Variants in GSG1L observed in about 807,000 individuals in gnomAD.
GSG1L encodes the protein germ cell-specific gene 1-like protein.
GSG1L carries 24 observed loss-of-function variants against 42.1 expected under a neutral mutation model. That is an observed-to-expected ratio of 0.57 (90% CI 0.41 to 0.80). GSG1L has a LOEUF of 0.80. Among genes scored for constraint, GSG1L ranks in the 30% least tolerant of loss-of-function variants. The pLI, the probability that GSG1L is intolerant of heterozygous loss-of-function variation, is 0.00. For synonymous variants in GSG1L, 215 were observed against 203.5 expected (o/e 1.06, Z -0.48); for missense variants, 445 against 472.2 (o/e 0.94, Z 0.53).
intron 5 of GSG1L, among the ~76,000 whole-genome samples, chr16:27,821,077 A>G (rs1183575171): frequency 6.6e-6 from 1 of 151,942 alleles, no homozygotes. Flanking sequence ...AGCCTCTTCT[A>G]TCCTATACCT....
intron 4 of GSG1L, among the ~76,000 whole-genome samples, chr16:27,836,773 G>A (rs1214882200): frequency 6.6e-6 from 1 of 152,110 alleles, no homozygotes; most frequent in Non-Finnish European, 1.5e-5. Context: ...ACTGCTTGTT[G>A]AAGCATTTTT....
In GSG1L at chr16:28,009,235, G is replaced by A. The variant is rs925645477; in HGVS notation, c.350-46032C>T. Among the ~76,000 whole-genome samples, 8 of 152,196 alleles carry A rather than the reference G, an allele frequency of 5.3e-5. No homozygotes were observed. The South Asian group carries it at 6.2e-4, about 12-fold the overall frequency. On this transcript the variant is annotated intron_variant, in intron 1 of 6. Coordinates refer to ENST00000447459, the MANE Select transcript of GSG1L (RefSeq NM_001109763.2). ...GTGCTCCAGACCCTGTGGCTTCCTC[G>A]CAGCTCCCTGCACACACCAAACACT...
intron 5 of GSG1L, among the ~76,000 whole-genome samples, chr16:27,818,657 C>T (rs1423180969): frequency 3.3e-5 from 5 of 152,050 alleles, no homozygotes; most frequent in Admixed American, 3.3e-4. Flanking sequence ...ATAAGCAATT[C>T]ACGATGGAAT....
intron 2 of GSG1L, among the ~76,000 whole-genome samples, chr16:27,885,327 T>G (rs551920938): frequency 1.6e-4 from 25 of 152,146 alleles, no homozygotes; most frequent in African/African-American, 6.0e-4. Context: ...TTTTTTATTT[T>G]TTATAGAGAT....
Position 27,914,023 on chromosome 16 carries a change from C to T in GSG1L, c.398-29385G>A, listed in dbSNP as rs559176456. 4.6e-5 allele frequency among the ~76,000 whole-genome samples: 7 copies of T among 151,320 alleles called. No individual in the cohort carries two copies. The South Asian group carries it at 1.0e-3, about 22-fold the overall frequency. On this transcript the variant is annotated intron_variant, in intron 2 of 6. Coordinates refer to ENST00000447459, the MANE Select transcript of GSG1L (RefSeq NM_001109763.2). ...TTTTAACGCATATGTAAGTTTCCTC[C>T]GTCTATAACCAGGAGCTTGCAGATC...
intron 3 of GSG1L, among the ~76,000 whole-genome samples, chr16:27,866,772 G>A (rs2083731906): frequency 2.6e-5 from 4 of 151,960 alleles, no homozygotes; most frequent in Admixed American, 6.6e-5. Context: ...GGGTTTCACC[G>A]CGTTGGCCAG....
chr16:27,935,225 C>G (rs1339719315), intron 2 of GSG1L, among the ~76,000 whole-genome samples: 2 of 152,128 alleles, frequency 1.3e-5, no homozygotes, highest in African/African-American at 4.8e-5. Flanking sequence ...TCCCACCTGC[C>G]CTGGAATGGC....
chr16:27,871,882 T>C (rs909398377), intron 3 of GSG1L, among the ~76,000 whole-genome samples: 3 of 152,094 alleles, frequency 2.0e-5, no homozygotes, highest in Non-Finnish European at 4.4e-5. Flanking sequence ...GCTGGGAAGA[T>C]TGGTGGAAAA....
At chr16:27,979,695 G>GA (rs1325466611) in intron 1 of GSG1L, among the ~76,000 whole-genome samples, 9 of 42,494 alleles carry the variant, frequency 2.1e-4, no homozygotes, top group East Asian at 1.9e-3. Context: ...AAGAAGGAAG[G>GA]AAGGAAGGAA....
rs141439055 is a variant in GSG1L, at chr16:27,852,226, G to A, written c.551-7165C>T. On this transcript the variant is annotated intron_variant, in intron 3 of 6. Transcript: ENST00000447459. ...CATGTCCGGGACTTGAGACACAGAG[G>A]GGCTGGTGGGGACCTGGAGGATGCT... 4.7e-3 allele frequency among the ~76,000 whole-genome samples: 715 copies of A among 152,330 alleles called. 4 individuals are homozygous for A. Among genetic ancestry groups the A allele is most frequent in the African/African-American group, 0.017 (686 of 41,570 alleles).
chr16:27,935,904 C>T (rs2084710775), intron 2 of GSG1L, among the ~76,000 whole-genome samples: 1 of 148,176 alleles, frequency 6.7e-6, no homozygotes, highest in African/African-American at 2.5e-5. Flanking sequence ...CTGCAGGATG[C>T]ATCACAGATG....
intron 3 of GSG1L, among the ~76,000 whole-genome samples, chr16:27,869,697 CCCT>C (rs1223050878): frequency 1.5e-5 from 2 of 132,940 alleles, no homozygotes; most frequent in African/African-American, 5.8e-5. Flanking sequence ...GTCTCTGTCT[CCCT>C]CCATTTCTCT....
intron 3 of GSG1L, among the ~76,000 whole-genome samples, chr16:27,883,294 C>T (rs935922030): frequency 2.6e-5 from 4 of 151,344 alleles, no homozygotes; most frequent in African/African-American, 4.9e-5. Flanking sequence ...ACAAGCTCTC[C>T]GTCCTTGGAC....
At chr16:27,932,863 G>A (rs1217314717) in intron 2 of GSG1L, among the ~76,000 whole-genome samples, 4 of 151,962 alleles carry the variant, frequency 2.6e-5, no homozygotes, top group African/African-American at 9.7e-5. Context: ...CCTGGTGCTG[G>A]CCCCAGTGTG....
At chr16:27,813,668 C>T (rs897934426) in intron 5 of GSG1L, among the ~76,000 whole-genome samples, 9 of 152,218 alleles carry the variant, frequency 5.9e-5, no homozygotes, top group Non-Finnish European at 1.2e-4. Context: ...AAGCAAGACA[C>T]GGGATCTGCA....
chr16:28,029,583 G>A (rs1332419573), intron 1 of GSG1L, among the ~76,000 whole-genome samples: 2 of 152,064 alleles, frequency 1.3e-5, no homozygotes, highest in Non-Finnish European at 2.9e-5. Flanking sequence ...ATGGATGGAT[G>A]CATGGGTGGA....
At chr16:27,843,526 A>AAT (rs969612692) in intron 4 of GSG1L, among the ~76,000 whole-genome samples, 8 of 151,294 alleles carry the variant, frequency 5.3e-5, no homozygotes, top group Non-Finnish European at 1.2e-4. Flanking sequence ...AAAAAAAAAA[A>AAT]AAAGGAAGGC....
At chr16:28,000,898 C>T (rs1426291053) in intron 1 of GSG1L, among the ~76,000 whole-genome samples, 3 of 152,178 alleles carry the variant, frequency 2.0e-5, no homozygotes, top group Admixed American at 6.5e-5. Context: ...CCAGAGTCAA[C>T]GCCCTCTTTC....
intron 1 of GSG1L, among the ~76,000 whole-genome samples, chr16:28,004,470 T>G (rs1451320868): frequency 5.5e-4 from 58 of 104,888 alleles, no homozygotes; most frequent in Admixed American, 1.1e-3. Flanking sequence ...GGAGAGTGAG[T>G]GAGGAAAAAA....
Sources: allele counts gnomAD v4.1 joint callset (sites outside exome capture counted in the v4.1 genomes callset), GRCh38; gene constraint gnomAD v4.1.1; transcripts MANE v1.5; gene names NCBI Gene and HGNC (gene_info 2026-07-23, HGNC 2026-07-21).